USP9X: variants seen among roughly 807,000 people sequenced by gnomAD.
USP9X encodes ubiquitin carboxyl-terminal hydrolase 9X.
Under a neutral mutation model 190.3 loss-of-function variants are expected in USP9X, and 7 were observed. That is an observed-to-expected ratio of 0.04 (90% confidence interval 0.02 to 0.07). The LOEUF (loss-of-function observed/expected upper bound fraction) is 0.07. USP9X is among the 10% of genes least tolerant of loss of function. USP9X has a pLI of 1.00. For missense variants in USP9X, 1,010 were observed against 1,916.9 expected, an observed-to-expected ratio of 0.53 and a Z score of 8.83; for synonymous variants, 645 against 659.5, an observed-to-expected ratio of 0.98 and a Z score of 0.34.
intron 38 of USP9X, among the ~76,000 whole-genome samples, chrX:41,221,503 A>C (rs2063264154): frequency 9.0e-6 from 1 of 111,297 alleles, no homozygotes; most frequent in African/African-American, 3.3e-5. Context: ...TTAATGGGGA[A>C]TGTAACGTGG....
intron 22 of USP9X, 87 bp from the exon 23 acceptor site, chrX:41,184,310 C>G (rs935351314): frequency 9.4e-7 from 1 of 1,058,356 alleles, no homozygotes; most frequent in African/African-American, 1.9e-5. Flanking sequence ...TCAAGAGTTT[C>G]TTGGCACTGA....
Position 41,218,352 on chromosome X carries a change from G to A in USP9X, c.6210-20G>A. The A allele has an allele frequency of 8.3e-7, 1 of 1,200,496 alleles. No homozygotes were observed. Among genetic ancestry groups the A allele is most frequent in the Non-Finnish European group, 1.1e-6 (1 of 887,121 alleles). On this transcript the variant is annotated intron_variant, in intron 36 of 44. Coordinates refer to ENST00000378308, the MANE Select transcript of USP9X (RefSeq NM_001039591.3). ...CAAGTTATTGACTTAATAGTCATAG[G>A]TTTTTTTGTTTTATTTTAGGTATGA...
intron 1 of USP9X, among the ~76,000 whole-genome samples, chrX:41,086,538 C>T (rs1037257732): frequency 2.7e-5 from 3 of 112,338 alleles, no homozygotes; most frequent in African/African-American, 9.7e-5. Flanking sequence ...TTCCACTTGA[C>T]ACCAAACGCC....
At chrX:41,176,459 G>T (rs2062775706) in intron 21 of USP9X, among the ~76,000 whole-genome samples, 1 of 111,637 alleles carries the variant, frequency 9.0e-6, no homozygotes, top group Non-Finnish European at 1.9e-5. Context: ...AGGAAATGCT[G>T]ACTTGACATT....
intron 32 of USP9X, among the ~76,000 whole-genome samples, chrX:41,208,267 C>T (rs1438760483): frequency 8.9e-6 from 1 of 111,976 alleles, no homozygotes; most frequent in African/African-American, 3.2e-5. Context: ...TCAGGTGATC[C>T]ACCCGCCTCA....
chrX:41,161,484 CGCCTGCCACCAT>C (rs1308237329), intron 14 of USP9X, among the ~76,000 whole-genome samples: 1 of 104,704 alleles, frequency 9.6e-6, no homozygotes, highest in Non-Finnish European at 1.9e-5. Flanking sequence ...GGATTACAGG[CGCCTGCCACCAT>C]GCCTAATTTT....
intron 34 of USP9X, among the ~76,000 whole-genome samples, chrX:41,215,096 C>T (rs2063200552): frequency 8.9e-6 from 1 of 112,087 alleles, no homozygotes; most frequent in Admixed American, 9.4e-5. Context: ...GATTACTTGT[C>T]AAGACCAAAA....
intron 5 of USP9X, 38 bp downstream of exon 5, chrX:41,134,875 A>G (rs2062357857): frequency 9.6e-7 from 1 of 1,039,147 alleles, no homozygotes; most frequent in Admixed American, 2.2e-5. Context: ...TCAGATTTAC[A>G]TAGTGATGCC....
rs761134928 is a variant in USP9X at position 41,184,408 on chromosome X, C to T, written c.3291C>T (p.Ala1097=). ...QVLYLTEVVY[A]LLMPAGAPLA... ...CTCTATTTTTCCAGGTAGTCTATGCCTTGTTAATGCCTGCTGGTGCACCTC... is the reference window on the plus strand; with the variant it reads ...CTCTATTTTTCCAGGTAGTCTATGCTTTGTTAATGCCTGCTGGTGCACCTC... The change falls in exon 23 of 45, where the codon GCC becomes GCT. Residue 1097 remains alanine (A), a synonymous_variant. Transcript: ENST00000378308. 14 of 1,207,916 alleles carry T rather than the reference C, an allele frequency of 1.2e-5. No individual in the cohort carries two copies. In the African/African-American group the frequency reaches 1.9e-4, roughly 17 times the overall value.
intron 2 of USP9X, among the ~76,000 whole-genome samples, chrX:41,125,718 T>TCTCTCTCTCTCTCTCTCGCG (rs1176200100): frequency 1.1e-4 from 11 of 99,211 alleles, no homozygotes; most frequent in African/African-American, 4.5e-4. Context: ...TCTCTCTCTC[T>TCTCTCTCTCTCTCTCTCGCG]CGCGCACGCG....
intron 43 of USP9X, 44 bp from the exon 44 acceptor site, chrX:41,230,457 G>C: frequency 2.7e-6 from 3 of 1,107,832 alleles, no homozygotes; most frequent in Non-Finnish European, 3.7e-6. Flanking sequence ...AAGTAAACTT[G>C]AGTTTGCCTA....
At chrX:41,183,312 A>G (rs1216917288) in intron 21 of USP9X, among the ~76,000 whole-genome samples, 1 of 110,309 alleles carries the variant, frequency 9.1e-6, no homozygotes, top group Non-Finnish European at 1.9e-5. Flanking sequence ...TTTTTTAATC[A>G]TAGGGCAGTT....
At chrX:41,118,850 C>T (rs748498786) in intron 1 of USP9X, among the ~76,000 whole-genome samples, 100 of 111,659 alleles carry the variant, frequency 9.0e-4, no homozygotes, top group Non-Finnish European at 1.5e-3. Context: ...AAGAACTGTA[C>T]GAACTGCCAC....
At chrX:41,089,423 TC>T (rs1261137659) in intron 1 of USP9X, among the ~76,000 whole-genome samples, 2 of 112,044 alleles carry the variant, frequency 1.8e-5, no homozygotes, top group African/African-American at 6.5e-5. Context: ...ATCAAGATAG[TC>T]TCCAATTTGA....
At chrX:41,210,834 C>T in intron 33 of USP9X, 152 bp downstream of exon 33, 1 of 573,089 alleles carries the variant, frequency 1.7e-6, no homozygotes, top group Non-Finnish European at 2.5e-6. Context: ...GCATACCTTA[C>T]TGCTGTGGGG....
chrX:41,179,495 T>C (rs2062807797), intron 21 of USP9X, among the ~76,000 whole-genome samples: 1 of 112,117 alleles, frequency 8.9e-6, no homozygotes, highest in Non-Finnish European at 1.9e-5. Context: ...AGGCATCTTA[T>C]ATTTTTGTAG....
rs145438655 is a variant in USP9X, at chrX:41,214,401, C to T, written c.5190-167C>T. Among the ~76,000 whole-genome samples, 33 of 110,998 alleles carry T rather than the reference C, an allele frequency of 3.0e-4. No individual in the cohort carries two copies. The East Asian group carries it at 9.2e-3, about 31-fold the overall frequency. On this transcript the variant is annotated intron_variant, in intron 33 of 44. Transcript: ENST00000378308. ...ATGGCAAATGTATGGGTGCAGCAAACCAACATGGCACATGTATACATATGT... is the reference window on the plus strand; with the variant it reads ...ATGGCAAATGTATGGGTGCAGCAAATCAACATGGCACATGTATACATATGT...
chrX:41,207,743 T>TG (rs1397284966), intron 32 of USP9X, among the ~76,000 whole-genome samples: 1 of 111,306 alleles, frequency 9.0e-6, no homozygotes, highest in East Asian at 2.8e-4. Context: ...AAGGGTCACC[T>TG]GATACTCTGA....
At chrX:41,118,274 C>T (rs923734485) in intron 1 of USP9X, among the ~76,000 whole-genome samples, 3 of 111,265 alleles carry the variant, frequency 2.7e-5, no homozygotes, top group Admixed American at 1.9e-4. Context: ...CGCTGTACCC[C>T]TTAAGCAATA....
Sources: gnomAD v4.1 joint callset for allele counts (sites outside exome capture counted in the v4.1 genomes callset) on GRCh38, gnomAD v4.1.1 for gene constraint, MANE v1.5 for transcripts, NCBI Gene and HGNC (gene_info 2026-07-23, HGNC 2026-07-21) for gene names.